PSMG2: variants seen among roughly 807,000 people sequenced by gnomAD.
PSMG2 encodes the protein CD40 ligand-activated specific transcript 3.
A neutral mutation model predicts 31.5 loss-of-function variants in PSMG2; 21 were observed. The observed-to-expected ratio is 0.67, with a 90% confidence interval of 0.47 to 0.96. PSMG2 has a LOEUF of 0.96. Ranked by LOEUF, PSMG2 falls within the 40% of genes least tolerant of loss-of-function variation. The pLI is 0.00. For missense variants in PSMG2, 318 were observed against 321.2 expected (o/e 0.99, Z 0.08); for synonymous variants, 120 against 110.4 (o/e 1.09, Z -0.54).
chr18:12,698,909 TA>T, upstream of PSMG2: 1 of 1,134,316 alleles, frequency 8.8e-7, no homozygotes, highest in Non-Finnish European at 1.3e-6. Flanking sequence ...AAAAAGTCAT[TA>T]TTATTGTTTC....
At chr18:12,701,798 T>A (rs920343153), upstream of PSMG2, among the ~76,000 whole-genome samples, 1 of 152,202 alleles carries the variant, frequency 6.6e-6, no homozygotes, top group African/African-American at 2.4e-5. Context: ...AAGCTCCTGG[T>A]TCAACTTCGC....
intron 1 of PSMG2, among the ~76,000 whole-genome samples, chr18:12,680,112 A>G (rs1406620197): frequency 2.6e-5 from 4 of 152,070 alleles, no homozygotes; most frequent in South Asian, 2.1e-4. Flanking sequence ...ACTAGTAAAC[A>G]TAATTTACTG....
chr18:12,675,445 ATC>A (rs1444800351), intron 1 of PSMG2, among the ~76,000 whole-genome samples: 1 of 152,100 alleles, frequency 6.6e-6, no homozygotes, highest in Non-Finnish European at 1.5e-5. Context: ...GTAAGAATGA[ATC>A]TGTTTACTAA....
At chr18:12,680,769 T>C (rs1314864692) in intron 1 of PSMG2, 2 of 1,613,494 alleles carry the variant, frequency 1.2e-6, no homozygotes, top group Non-Finnish European at 1.7e-6. Flanking sequence ...AAACAAAGGC[T>C]TCTAATCCAT....
chr18:12,700,029 C>T (rs920001303), upstream of PSMG2: 2 of 482,856 alleles, frequency 4.1e-6, no homozygotes, highest in Non-Finnish European at 7.3e-6. Flanking sequence ...CAAAGAACCC[C>T]TTATTTTCCT....
chr18:12,665,723 G>C (rs1245509188), intron 1 of PSMG2, among the ~76,000 whole-genome samples: 1 of 152,056 alleles, frequency 6.6e-6, no homozygotes, highest in African/African-American at 2.4e-5. Context: ...TTGAGACAGA[G>C]TCTTGCTCTT....
At chr18:12,674,989 C>T (rs1441519840) in intron 1 of PSMG2, among the ~76,000 whole-genome samples, 1 of 152,116 alleles carries the variant, frequency 6.6e-6, no homozygotes, top group Non-Finnish European at 1.5e-5. Flanking sequence ...AAACAATGTT[C>T]ACAAAGTCTC....
intron 3 of PSMG2, among the ~76,000 whole-genome samples, chr18:12,713,004 AAAT>A (rs1466324426): frequency 6.6e-6 from 1 of 152,192 alleles, no homozygotes; most frequent in African/African-American, 2.4e-5. Flanking sequence ...ATTGGTGAAA[AAAT>A]GTAAGCATAT....
intron 1 of PSMG2, among the ~76,000 whole-genome samples, chr18:12,683,613 T>C (rs992997510): frequency 6.6e-6 from 1 of 150,614 alleles, no homozygotes; most frequent in African/African-American, 2.4e-5. Flanking sequence ...GAGCTGGGGG[T>C]GGTGGCGGGC....
At chr18:12,680,918 G>C in intron 1 of PSMG2, 1 of 1,223,642 alleles carries the variant, frequency 8.2e-7, no homozygotes, top group Non-Finnish European at 1.1e-6. Context: ...AAATTTATTG[G>C]CTGGGCACAG....
intron 2 of PSMG2, among the ~76,000 whole-genome samples, chr18:12,709,081 T>C (rs1342409185): frequency 1.3e-5 from 2 of 151,690 alleles, no homozygotes; most frequent in Non-Finnish European, 2.9e-5. Flanking sequence ...AGTCTCGCCC[T>C]GTTGCCCAGG....
At chr18:12,722,262 T>C (rs964409512) in intron 5 of PSMG2, among the ~76,000 whole-genome samples, 1 of 152,220 alleles carries the variant, frequency 6.6e-6, no homozygotes, top group Non-Finnish European at 1.5e-5. Flanking sequence ...TTTCCAGACA[T>C]TGGACTACAG....
chr18:12,672,434 G>T (rs1243593147), intron 1 of PSMG2, among the ~76,000 whole-genome samples: 1 of 151,964 alleles, frequency 6.6e-6, no homozygotes, highest in Non-Finnish European at 1.5e-5. Context: ...TTTTTAAAAC[G>T]TGCTCAATTT....
At chr18:12,709,168 C>A (rs1455658878) in intron 2 of PSMG2, among the ~76,000 whole-genome samples, 1 of 151,978 alleles carries the variant, frequency 6.6e-6, no homozygotes, top group Non-Finnish European at 1.5e-5. Context: ...GCCTCAGCCT[C>A]CTGAGTAGCT....
chr18:12,679,618 C>T (rs1323362109), intron 1 of PSMG2, among the ~76,000 whole-genome samples: 1 of 152,182 alleles, frequency 6.6e-6, no homozygotes, highest in East Asian at 1.9e-4. Flanking sequence ...AAGTACTCAG[C>T]TGTTTCAAAA....
At chr18:12,724,775 T>C (rs2040460196) in intron 6 of PSMG2, 156 bp downstream of exon 6, 1 of 833,632 alleles carries the variant, frequency 1.2e-6, no homozygotes, top group Non-Finnish European at 1.6e-6. Flanking sequence ...TTTTGAAAAT[T>C]AGAGGACAGT....
intron 1 of PSMG2, among the ~76,000 whole-genome samples, chr18:12,705,609 T>C (rs1379465100): frequency 1.6e-5 from 2 of 127,816 alleles, no homozygotes; most frequent in Non-Finnish European, 3.3e-5. Flanking sequence ...GTGTGTTTAG[T>C]GTGAAAAGAT....
At chr18:12,717,631 T>G (rs930726497) in intron 3 of PSMG2, among the ~76,000 whole-genome samples, 7 of 152,254 alleles carry the variant, frequency 4.6e-5, no homozygotes, top group Non-Finnish European at 1.5e-5. Context: ...ATACTCAAAT[T>G]TCCACAGCTG....
chr18:12,667,712 G>A (rs2038830014), intron 1 of PSMG2, among the ~76,000 whole-genome samples: 1 of 145,572 alleles, frequency 6.9e-6, no homozygotes, highest in Admixed American at 7.0e-5. Context: ...AGTGAACCAA[G>A]ATCGTGCCAC....
Sources: gnomAD v4.1 joint callset for allele counts (sites outside exome capture counted in the v4.1 genomes callset) on GRCh38, gnomAD v4.1.1 for gene constraint, MANE v1.5 for transcripts, NCBI Gene and HGNC (gene_info 2026-07-23, HGNC 2026-07-21) for gene names.